TDP1: variants seen among roughly 807,000 people sequenced by gnomAD.
The protein encoded by TDP1 is tyrosyl-DNA phosphodiesterase 1.
In TDP1, 64 loss-of-function variants were observed where a neutral mutation model predicts 81.5. The observed-to-expected ratio is 0.79, with a 90% CI of 0.64 to 0.97. The LOEUF (loss-of-function observed/expected upper bound fraction) is 0.97, where lower values mean the gene tolerates loss of function less well. Ranked by LOEUF, TDP1 falls within the 50% of genes least tolerant of loss-of-function variation. The probability of loss-of-function intolerance (pLI) is 0.00; values close to 1 mark genes in which losing one functional copy is unlikely to be tolerated. For synonymous variants in TDP1, 256 were observed against 264.3 expected, an observed-to-expected ratio of 0.97 and a Z score of 0.30; for missense variants, 723 against 743.8, an observed-to-expected ratio of 0.97 and a Z score of 0.33.
In TDP1 at chr14:89,991,956, A is replaced by G. The variant is rs1288659107; in HGVS notation, c.1406A>G (p.Lys469Arg). ...CCCTATAGCATCCAGACAGCTGAAA[A>G]ACAGAATTGGCTGCATTCCTATTTT... ...SLPYSIQTAE[K>R]QNWLHSYFHK... is the part of the protein sequence containing the mutation. Residue 469 changes from lysine (K) to arginine (R), a missense_variant, in exon 13 of 17, where the codon AAA becomes AGA. Coordinates refer to ENST00000335725, the MANE Select transcript of TDP1 (RefSeq NM_018319.4). 18 of 1,612,720 alleles carry G rather than the reference A, an allele frequency of 1.1e-5. No individual in the cohort carries two copies. The highest frequency in any genetic ancestry group is 1.5e-5 in the Non-Finnish European group (18 of 1,179,640).
chr14:89,962,679 C>CA (rs1892458422), intron 2 of TDP1, among the ~76,000 whole-genome samples: 1 of 149,410 alleles, frequency 6.7e-6, no homozygotes, highest in South Asian at 2.1e-4. Context: ...GCCTGGGCAA[C>CA]AATAATGAAA....
At chr14:90,020,832 G>A (rs1886000471) in intron 15 of TDP1, among the ~76,000 whole-genome samples, 1 of 142,686 alleles carries the variant, frequency 7.0e-6, no homozygotes, top group Admixed American at 7.1e-5. Context: ...GTCTCGCTCT[G>A]TCGCCCAGGC....
intron 10 of TDP1, chr14:89,988,646 T>C (rs992363560): frequency 5.1e-6 from 5 of 980,972 alleles, no homozygotes; most frequent in Non-Finnish European, 6.1e-6. Flanking sequence ...TTTAAACCTG[T>C]TTTTGCTTTT....
At chr14:89,977,552 C>T (rs1894492696) in intron 7 of TDP1, among the ~76,000 whole-genome samples, 1 of 152,224 alleles carries the variant, frequency 6.6e-6, no homozygotes, top group African/African-American at 2.4e-5. Flanking sequence ...CCCGCCTCGG[C>T]CTCCCAAAGT....
At chr14:89,957,265 C>T (rs891595628) in intron 2 of TDP1, 1 of 152,230 alleles carries the variant, frequency 6.6e-6, no homozygotes, top group African/African-American at 2.4e-5. Flanking sequence ...GGGTCTGTCT[C>T]TTCTGCCCTG....
chr14:89,995,287 T>A (rs1029196905), intron 14 of TDP1, among the ~76,000 whole-genome samples: 8 of 152,226 alleles, frequency 5.3e-5, no homozygotes, highest in African/African-American at 1.9e-4. Context: ...TCACAACAGC[T>A]GCATGAGGAC....
chr14:89,991,306 A>G (rs1262640636), intron 12 of TDP1, among the ~76,000 whole-genome samples: 1 of 152,164 alleles, frequency 6.6e-6, no homozygotes, highest in African/African-American at 2.4e-5. Context: ...TGTACTTTTA[A>G]TGGGGAACAA....
At chr14:89,978,271 C>A (rs1295798725) in intron 7 of TDP1, among the ~76,000 whole-genome samples, 4 of 152,256 alleles carry the variant, frequency 2.6e-5, no homozygotes. Context: ...ACAAGCTCTT[C>A]CGCTGGCCCA....
chr14:90,020,534 TTCCC>T (rs1885901373), intron 15 of TDP1, among the ~76,000 whole-genome samples: 1 of 21,340 alleles, frequency 4.7e-5, no homozygotes, highest in Non-Finnish European at 7.3e-5. Flanking sequence ...CCTCCCTTCC[TTCCC>T]TCCCTCCCTT....
intron 12 of TDP1, among the ~76,000 whole-genome samples, chr14:89,991,255 T>A (rs952741616): frequency 6.6e-6 from 1 of 152,176 alleles, no homozygotes; most frequent in Admixed American, 6.6e-5. Context: ...TGTTAAATTA[T>A]CATCACCAAG....
chr14:89,963,953 A>T (rs981126227), intron 3 of TDP1, among the ~76,000 whole-genome samples: 1 of 152,230 alleles, frequency 6.6e-6, no homozygotes, highest in Admixed American at 6.5e-5. Flanking sequence ...AAGCTTGATG[A>T]GTAACAGTTT....
chr14:90,019,271 A>C (rs765573328), intron 14 of TDP1, 45 bp from the exon 15 acceptor site: 17 of 1,394,422 alleles, frequency 1.2e-5, no homozygotes, highest in Non-Finnish European at 1.5e-5. Flanking sequence ...ACCCACACTG[A>C]GATGCCTCCC....
chr14:90,002,984 C>T (rs2140183079), intron 14 of TDP1, among the ~76,000 whole-genome samples: 1 of 152,258 alleles, frequency 6.6e-6, no homozygotes, highest in South Asian at 2.1e-4. Flanking sequence ...TTCACCCAGG[C>T]TGGAGTGCAG....
chr14:90,027,073 C>T (rs1886747819), intron 15 of TDP1, among the ~76,000 whole-genome samples: 2 of 152,204 alleles, frequency 1.3e-5, no homozygotes, highest in African/African-American at 4.8e-5. Flanking sequence ...TACAGTCCCA[C>T]CAACAGTGTA....
At position 89,991,969 on chromosome 14, in the gene TDP1, G is replaced by A. The variant is rs770616717; in HGVS notation, c.1419G>A (p.Leu473=). Residue 473 remains leucine (L), a synonymous_variant, in exon 13 of 17, where the codon CTG becomes CTA. Coordinates refer to ENST00000335725, the MANE Select transcript of TDP1 (RefSeq NM_018319.4). Reference sequence around the variant, plus strand: ...AGACAGCTGAAAAACAGAATTGGCTGCATTCCTATTTTCAGTAAGTAATTG... The same window carrying A: ...AGACAGCTGAAAAACAGAATTGGCTACATTCCTATTTTCAGTAAGTAATTG... ...SIQTAEKQNW[L]HSYFHKWSAE... is the part of the protein sequence containing the mutation. 6.2e-7 allele frequency: 1 copy of A among 1,612,418 alleles called. No homozygotes were observed.
At chr14:90,035,707 A>T (rs1412481782) in intron 16 of TDP1, among the ~76,000 whole-genome samples, 1 of 145,576 alleles carries the variant, frequency 6.9e-6, no homozygotes, top group African/African-American at 2.7e-5. Context: ...TTCTCCCCTT[A>T]TCTGTTCTTC....
At chr14:90,035,406 G>A (rs1887717984) in intron 16 of TDP1, among the ~76,000 whole-genome samples, 1 of 151,544 alleles carries the variant, frequency 6.6e-6, no homozygotes, top group African/African-American at 2.4e-5. Context: ...CGGTAGCAAG[G>A]CTATCTAGAT....
rs1566847477 is a variant in TDP1, at chr14:89,966,141, T to C, written c.560-6T>C. The C allele has an allele frequency of 6.3e-7, 1 of 1,587,786 alleles. No individual in the cohort carries two copies. On this transcript the variant is annotated splice_region_variant and splice_polypyrimidine_tract_variant and intron_variant, in intron 3 of 16. Coordinates refer to ENST00000335725, the MANE Select transcript of TDP1 (RefSeq NM_018319.4). The stretch of plus-strand genomic sequence containing the variant: ...TGTGAATTTGATATATGTTTTGTCT[T>C]CTCAGATATTTTATCTCCTTTATTT...
chr14:89,998,394 A>ATG lies in TDP1; in HGVS notation c.1541+4912_1541+4913insGT, dbSNP rs1896853977. On this transcript the variant is annotated intron_variant, in intron 14 of 16. Coordinates refer to ENST00000335725, the MANE Select transcript of TDP1 (RefSeq NM_018319.4). Reference sequence around the variant, plus strand: ...ACATTATATATATATATATATATATATATATATATATATATATATATATAT... The same window carrying ATG: ...ACATTATATATATATATATATATATATGTATATATATATATATATATATATAT... Among the ~76,000 whole-genome samples, 22 of 111,302 alleles carry ATG rather than the reference A, an allele frequency of 2.0e-4. 1 individual carries two copies. The highest frequency in any genetic ancestry group is 9.9e-4 in the African/African-American group (20 of 20,206). 73.0% of individuals were successfully genotyped at this position (111,302 alleles called of 152,430 possible).
Sources: allele counts gnomAD v4.1 joint callset (sites outside exome capture counted in the v4.1 genomes callset), GRCh38; gene constraint gnomAD v4.1.1; transcripts MANE v1.5; gene names NCBI Gene and HGNC (gene_info 2026-07-23, HGNC 2026-07-21).